Variants in DNAH11 observed in about 807,000 individuals in gnomAD.
DNAH11 encodes axonemal beta dynein heavy chain 11.
A neutral mutation model predicts 526.0 loss-of-function variants in DNAH11; 442 were observed. The ratio of observed to expected loss-of-function variants is 0.84; its 90% CI spans 0.78 to 0.91. The LOEUF (loss-of-function observed/expected upper bound fraction) is 0.91. Among genes scored for constraint, DNAH11 ranks in the 40% least tolerant of loss-of-function variants. DNAH11 has a pLI of 0.00. For synonymous variants in DNAH11, 2,461 were observed against 1,935.9 expected, an observed-to-expected ratio of 1.27 and a Z score of -7.12; for missense variants, 6,989 against 5,448.7, an observed-to-expected ratio of 1.28 and a Z score of -8.90.
At chr7:21,760,865 G>A (rs559993148) in intron 54 of DNAH11, among the ~76,000 whole-genome samples, 67 of 72,746 alleles carry the variant, frequency 9.2e-4, no homozygotes, top group Non-Finnish European at 2.0e-3. Context: ...CCCCTAAGGT[G>A]TAAATAAAAT....
chr7:21,795,367 G>C (rs545765296), intron 61 of DNAH11, among the ~76,000 whole-genome samples: 1 of 152,086 alleles, frequency 6.6e-6, no homozygotes, highest in Non-Finnish European at 1.5e-5. Flanking sequence ...TGTTCTCCTA[G>C]ATCAAGCTTG....
intron 45 of DNAH11, among the ~76,000 whole-genome samples, chr7:21,731,550 C>T (rs1785385146): frequency 2.0e-5 from 3 of 152,184 alleles, no homozygotes; most frequent in African/African-American, 7.2e-5. Flanking sequence ...ACAGAATAAT[C>T]TCTATTTTCT....
chr7:21,655,544 G>T (rs1436733259), intron 28 of DNAH11, among the ~76,000 whole-genome samples: 1 of 152,134 alleles, frequency 6.6e-6, no homozygotes, highest in Non-Finnish European at 1.5e-5. Context: ...ATATGGTACA[G>T]ATAGAGAAGT....
chr7:21,886,583 G>C (rs1211537172), intron 76 of DNAH11, among the ~76,000 whole-genome samples: 1 of 152,190 alleles, frequency 6.6e-6, no homozygotes, highest in Non-Finnish European at 1.5e-5. Flanking sequence ...AGATGGGAAA[G>C]CTAAACAGTG....
chr7:21,749,264 A>G (rs372721491), intron 52 of DNAH11, among the ~76,000 whole-genome samples: 1 of 152,362 alleles, frequency 6.6e-6, no homozygotes, highest in African/African-American at 2.4e-5. Context: ...GTGATATTTT[A>G]AGTTTTAAAA....
intron 18 of DNAH11, among the ~76,000 whole-genome samples, chr7:21,602,506 C>A (rs1785130953): frequency 7.0e-6 from 1 of 143,210 alleles, no homozygotes; most frequent in South Asian, 2.1e-4. Context: ...TCATGAACCA[C>A]AGTCTCACAA....
chr7:21,738,657 T>A, intron 46 of DNAH11, 44 bp from the exon 47 acceptor site: 1 of 1,504,648 alleles, frequency 6.6e-7, no homozygotes, highest in Non-Finnish European at 8.9e-7. Flanking sequence ...AAATGAACAT[T>A]TACATTCTGT....
At chr7:21,777,933 T>G (rs11764918) in intron 56 of DNAH11, among the ~76,000 whole-genome samples, 44,730 of 152,040 alleles carry the variant, frequency 0.29, 8,002 homozygotes, top group Non-Finnish European at 0.41. Context: ...GTCTTTAGCA[T>G]TTGAGTTAAA....
rs555041617 is a variant in DNAH11, at chr7:21,760,185, C to A, written c.8941-5243C>A. ...TTAGGTACTTCGAGGTAGATGACAT[C>A]TGTTGAGTGAGGGAGAGGGCTTTTT... On this transcript the variant is annotated intron_variant, in intron 54 of 81. Coordinates refer to ENST00000409508, the MANE Select transcript of DNAH11 (RefSeq NM_001277115.2). Among the ~76,000 whole-genome samples, 4 of 152,244 alleles carry A rather than the reference C, an allele frequency of 2.6e-5. No individual in the cohort carries two copies. In the South Asian group the frequency reaches 8.3e-4, roughly 32 times the overall value.
At chr7:21,820,260 G>T (rs967655760) in intron 65 of DNAH11, among the ~76,000 whole-genome samples, 2 of 152,138 alleles carry the variant, frequency 1.3e-5, no homozygotes, top group African/African-American at 4.8e-5. Context: ...CACAGACCCT[G>T]CACTTGAGGA....
At chr7:21,892,340 G>A (rs1357698857) in intron 76 of DNAH11, 85 bp from the exon 77 acceptor site, 3 of 1,528,906 alleles carry the variant, frequency 2.0e-6, no homozygotes, top group South Asian at 1.3e-5. Context: ...GAGCCTTCTT[G>A]TCAGGGTCTT....
chr7:21,662,147 T>C (rs1782264821), intron 30 of DNAH11, among the ~76,000 whole-genome samples: 1 of 152,140 alleles, frequency 6.6e-6, no homozygotes, highest in South Asian at 2.1e-4. Flanking sequence ...AGTGTTTTAG[T>C]TTATGTGCTA....
At chr7:21,770,054 G>T (rs1787367581) in intron 55 of DNAH11, among the ~76,000 whole-genome samples, 1 of 152,158 alleles carries the variant, frequency 6.6e-6, no homozygotes, top group African/African-American at 2.4e-5. Context: ...AACTGTGCTT[G>T]GTGCTACATT....
At chr7:21,616,175 T>C (rs769248010) in intron 21 of DNAH11, 34 bp from the exon 22 acceptor site, 2 of 1,548,272 alleles carry the variant, frequency 1.3e-6, no homozygotes. Flanking sequence ...TCACCAAATG[T>C]TGTTGACACT....
chr7:21,795,966 G>A (rs1037284894), intron 61 of DNAH11, among the ~76,000 whole-genome samples: 12 of 134,974 alleles, frequency 8.9e-5, no homozygotes, highest in African/African-American at 3.4e-4. Context: ...AGGGTCACGT[G>A]TCCTGTGGAC....
chr7:21,859,104 A>G (rs1017323298), intron 68 of DNAH11, among the ~76,000 whole-genome samples: 1 of 150,368 alleles, frequency 6.7e-6, no homozygotes, highest in East Asian at 1.9e-4. Flanking sequence ...ACATACATGA[A>G]TTTTTTTTTT....
At chr7:21,809,782 T>G (rs760994189) in intron 63 of DNAH11, among the ~76,000 whole-genome samples, 6 of 151,980 alleles carry the variant, frequency 3.9e-5, no homozygotes, top group Non-Finnish European at 7.4e-5. Context: ...CCCAGGCTGG[T>G]CTCAAACTCC....
intron 61 of DNAH11, among the ~76,000 whole-genome samples, chr7:21,795,985 C>CCTTGTAT (rs1554282107): frequency 7.3e-5 from 11 of 151,454 alleles, no homozygotes; most frequent in African/African-American, 2.7e-4. Flanking sequence ...ACAGTGAGTA[C>CCTTGTAT]CTCAACATGA....
rs1785793869 is a variant in DNAH11, at chr7:21,739,792, A to G, written c.7914+119A>G. On this transcript the variant is annotated intron_variant, in intron 48 of 81. Coordinates refer to ENST00000409508, the MANE Select transcript of DNAH11 (RefSeq NM_001277115.2). ...ACGTTTCTCATGGCAGCTGTACTAT[A>G]TTTTATTCCCACTAACAACAGACAG... 15 of 709,822 alleles carry G rather than the reference A, an allele frequency of 2.1e-5. No homozygotes were observed. The East Asian group carries it at 4.7e-4, about 22-fold the overall frequency. The allele number at this position is 709,822 out of a possible 1,614,324, so 44.0% of individuals were successfully genotyped here.
Sources: allele counts gnomAD v4.1 joint callset (sites outside exome capture counted in the v4.1 genomes callset), GRCh38; gene constraint gnomAD v4.1.1; transcripts MANE v1.5; gene names NCBI Gene and HGNC (gene_info 2026-07-23, HGNC 2026-07-21).